Variants in ZNF804B observed in about 807,000 individuals in gnomAD.
The protein encoded by ZNF804B is zinc finger protein 804B.
A neutral mutation model predicts 101.4 loss-of-function variants in ZNF804B; 80 were observed. The ratio of observed to expected loss-of-function variants is 0.79; its 90% CI spans 0.66 to 0.95. ZNF804B has a LOEUF of 0.95. ZNF804B is among the 40% of genes least tolerant of loss of function. The probability of loss-of-function intolerance (pLI) is 0.00; values close to 1 mark genes in which losing one functional copy is unlikely to be tolerated. For missense variants in ZNF804B, 1,673 were observed against 1,561.9 expected (o/e 1.07, Z -1.20); for synonymous variants, 622 against 558.8 (o/e 1.11, Z -1.59).
chr7:89,334,890 G>A lies in ZNF804B; in HGVS notation c.1908G>A (p.Lys636=), dbSNP rs753928640. The change falls in exon 4 of 4, where the codon AAG becomes AAA. Residue 636 remains lysine, a synonymous_variant. Coordinates refer to ENST00000333190, the MANE Select transcript of ZNF804B (RefSeq NM_181646.5). ...CTTCCTACATCTCTAGGTTTAAAAA[G>A]CATAAATTGATTCCCTGCAGTCCTC... ...SFPSYISRFK[K]HKLIPCSPHL... The A allele has an allele frequency of 1.2e-6, 2 of 1,613,652 alleles. No individual in the cohort carries two copies. Among genetic ancestry groups the A allele is most frequent in the Non-Finnish European group, 1.7e-6 (2 of 1,179,864 alleles).
chr7:89,254,842 C>T (rs1267997968), intron 2 of ZNF804B, among the ~76,000 whole-genome samples: 1 of 152,024 alleles, frequency 6.6e-6, no homozygotes, highest in East Asian at 1.9e-4. Context: ...GACGGGGTTT[C>T]ACCATGTTGG....
At chr7:88,818,122 G>A (rs1005352831) in intron 1 of ZNF804B, among the ~76,000 whole-genome samples, 1 of 152,076 alleles carries the variant, frequency 6.6e-6, no homozygotes, top group African/African-American at 2.4e-5. Flanking sequence ...AAAAGAAATT[G>A]TCCCTGGAAC....
intron 1 of ZNF804B, among the ~76,000 whole-genome samples, chr7:88,827,863 A>G (rs1328335342): frequency 2.6e-5 from 4 of 152,130 alleles, no homozygotes; most frequent in Non-Finnish European, 4.4e-5. Context: ...TTACCTGCTA[A>G]TAGATAGCTA....
At chr7:88,916,300 A>G (rs977037574) in intron 1 of ZNF804B, among the ~76,000 whole-genome samples, 1 of 152,156 alleles carries the variant, frequency 6.6e-6, no homozygotes, top group Non-Finnish European at 1.5e-5. Context: ...GGAAATATGA[A>G]TGAATGATGA....
chr7:89,222,840 T>C (rs1040222882), intron 2 of ZNF804B, among the ~76,000 whole-genome samples: 73 of 151,942 alleles, frequency 4.8e-4, no homozygotes, highest in African/African-American at 1.6e-3. Flanking sequence ...TTGAGAATTT[T>C]TGTATACGCT....
At chr7:89,139,491 G>C (rs1196946214) in intron 1 of ZNF804B, among the ~76,000 whole-genome samples, 1 of 151,978 alleles carries the variant, frequency 6.6e-6, no homozygotes, top group Non-Finnish European at 1.5e-5. Flanking sequence ...CTTTAAAAAT[G>C]GAATCAACCC....
intron 1 of ZNF804B, among the ~76,000 whole-genome samples, chr7:89,186,127 A>G (rs1373645223): frequency 1.3e-5 from 2 of 152,086 alleles, no homozygotes; most frequent in Non-Finnish European, 1.5e-5. Flanking sequence ...CATATTATCA[A>G]TTTTATTAGT....
intron 2 of ZNF804B, among the ~76,000 whole-genome samples, chr7:89,225,933 A>G (rs986693123): frequency 6.6e-6 from 1 of 152,184 alleles, no homozygotes; most frequent in Non-Finnish European, 1.5e-5. Context: ...TGATGAGATA[A>G]GCGTTCAAGA....
chr7:88,890,318 G>C (rs1438193683), intron 1 of ZNF804B, among the ~76,000 whole-genome samples: 1 of 152,128 alleles, frequency 6.6e-6, no homozygotes, highest in Non-Finnish European at 1.5e-5. Flanking sequence ...ATTTTTTAAT[G>C]AATAAATCTC....
intron 1 of ZNF804B, among the ~76,000 whole-genome samples, chr7:89,140,720 A>G (rs1478953680): frequency 6.6e-6 from 1 of 152,032 alleles, no homozygotes; most frequent in African/African-American, 2.4e-5. Context: ...TGTTTAAGGG[A>G]ATGTTGTGGC....
At chr7:89,276,142 G>C (rs1471625328) in intron 2 of ZNF804B, among the ~76,000 whole-genome samples, 1 of 151,928 alleles carries the variant, frequency 6.6e-6, no homozygotes, top group Non-Finnish European at 1.5e-5. Flanking sequence ...CACAGGGAGA[G>C]AAAATAACAC....
chr7:89,221,362 T>C (rs1039273812), intron 2 of ZNF804B, among the ~76,000 whole-genome samples: 8 of 151,904 alleles, frequency 5.3e-5, no homozygotes, highest in Non-Finnish European at 1.2e-4. Flanking sequence ...TTTGGAGAAA[T>C]AAAAGACCAG....
chr7:89,175,217 A>AT (rs1791300448), intron 1 of ZNF804B, among the ~76,000 whole-genome samples: 1 of 151,954 alleles, frequency 6.6e-6, no homozygotes, highest in South Asian at 2.1e-4. Context: ...GGAGGTCTTA[A>AT]TTTAAGTCTT....
chr7:88,924,695 G>T (rs922302282), intron 1 of ZNF804B, among the ~76,000 whole-genome samples: 6 of 152,090 alleles, frequency 3.9e-5, no homozygotes, highest in African/African-American at 1.4e-4. Flanking sequence ...TAACACTGTT[G>T]TAACTCTCTC....
intron 2 of ZNF804B, among the ~76,000 whole-genome samples, chr7:89,274,867 A>T (rs1789954534): frequency 6.6e-6 from 1 of 151,732 alleles, no homozygotes; most frequent in South Asian, 2.1e-4. Flanking sequence ...ATTCCTTCAC[A>T]TCTCCCATCC....
intron 1 of ZNF804B, among the ~76,000 whole-genome samples, chr7:89,015,724 T>G (rs1435346977): frequency 6.6e-6 from 1 of 152,194 alleles, no homozygotes; most frequent in Non-Finnish European, 1.5e-5. Context: ...ATTTTCTTAA[T>G]CCAGTCTATC....
intron 1 of ZNF804B, among the ~76,000 whole-genome samples, chr7:88,928,619 G>A (rs1298728011): frequency 6.6e-6 from 1 of 152,094 alleles, no homozygotes; most frequent in East Asian, 1.9e-4. Flanking sequence ...AAAAGTGACA[G>A]AAATGCCTTT....
intron 1 of ZNF804B, among the ~76,000 whole-genome samples, chr7:88,784,284 C>T (rs918637812): frequency 6.6e-6 from 1 of 152,148 alleles, no homozygotes; most frequent in Non-Finnish European, 1.5e-5. Flanking sequence ...TTAGAGCTTG[C>T]ACATATTCTA....
chr7:89,335,328 G>C lies in ZNF804B; in HGVS notation c.2346G>C (p.Glu782Asp). The change falls in exon 4 of 4, where the codon GAG (glutamate) becomes GAC (aspartate). Residue 782 changes from glutamate to aspartate, a missense_variant. Physicochemically the swap from Glu to Asp is conservative, Grantham distance 45. Coordinates refer to ENST00000333190, the MANE Select transcript of ZNF804B (RefSeq NM_181646.5). ...SSQMQSEPQK[E>D]RNCKLWESFK... ...AAATGCAGTCTGAACCACAGAAAGA[G>C]AGGAACTGCAAATTGTGGGAATCAT... 1.2e-6 allele frequency: 2 copies of C among 1,613,738 alleles called. No homozygotes were observed. The highest frequency in any genetic ancestry group is 2.7e-5 in the African/African-American group (2 of 75,028).
Sources: allele counts gnomAD v4.1 joint callset (sites outside exome capture counted in the v4.1 genomes callset), GRCh38; gene constraint gnomAD v4.1.1; transcripts MANE v1.5; gene names NCBI Gene and HGNC (gene_info 2026-07-23, HGNC 2026-07-21).